DCC: variants seen among roughly 807,000 people sequenced by gnomAD.
The protein encoded by DCC is netrin receptor DCC.
Under a neutral mutation model 172.5 loss-of-function variants are expected in DCC, and 58 were observed. The ratio of observed to expected loss-of-function variants is 0.34; its 90% CI spans 0.27 to 0.42. The LOEUF is 0.42. Among genes scored for constraint, DCC ranks in the 10% least tolerant of loss-of-function variants. DCC has a pLI of 1.00. For synonymous variants in DCC, 709 were observed against 644.5 expected (o/e 1.10, Z -1.52); for missense variants, 1,740 against 1,791.0 (o/e 0.97, Z 0.51).
rs182039443 is a variant in DCC at position 53,044,522 on chromosome 18, A to T, written c.986-18783A>T. Among the ~76,000 whole-genome samples the T allele has an allele frequency of 2.2e-3, 334 of 151,902 alleles. 1 individual carries two copies. The highest frequency in any genetic ancestry group is 7.7e-3 in the African/African-American group (321 of 41,506). On this transcript the variant is annotated intron_variant, in intron 5 of 28. Transcript: ENST00000442544. The stretch of plus-strand genomic sequence containing the variant: ...ATAAAATATAAGGCATGGACTAGAT[A>T]TCTAAGACTCTTTATAGCTCCCAGT...
At chr18:52,352,334 C>T (rs1379311221) in intron 1 of DCC, among the ~76,000 whole-genome samples, 1 of 152,094 alleles carries the variant, frequency 6.6e-6, no homozygotes, top group African/African-American at 2.4e-5. Context: ...ATTTTAGAGA[C>T]TTAAATATAA....
chr18:53,153,497 C>G (rs988790818), intron 7 of DCC, among the ~76,000 whole-genome samples: 2 of 151,958 alleles, frequency 1.3e-5, no homozygotes, highest in African/African-American at 4.8e-5. Flanking sequence ...ACACCCTGGC[C>G]GACATGAGAT....
chr18:52,617,156 A>T (rs1039241542), intron 1 of DCC, among the ~76,000 whole-genome samples: 1 of 152,026 alleles, frequency 6.6e-6, no homozygotes, highest in African/African-American at 2.4e-5. Flanking sequence ...TGGAGAGAAG[A>T]CATTAAGAGG....
At chr18:53,440,064 C>T (rs965406147) in intron 22 of DCC, among the ~76,000 whole-genome samples, 1 of 151,752 alleles carries the variant, frequency 6.6e-6, no homozygotes, top group Non-Finnish European at 1.5e-5. Context: ...CGCGCCCGGC[C>T]GTATTTTTCT....
chr18:52,916,811 T>C (rs1345563716), intron 3 of DCC, among the ~76,000 whole-genome samples: 2 of 152,114 alleles, frequency 1.3e-5, no homozygotes, highest in African/African-American at 4.8e-5. Context: ...ATTGTTTCTA[T>C]GTAATTCGAC....
intron 1 of DCC, among the ~76,000 whole-genome samples, chr18:52,700,295 T>C (rs1452499865): frequency 1.3e-5 from 1 of 77,044 alleles, no homozygotes; most frequent in African/African-American, 5.5e-5. Context: ...CACATGCACA[T>C]CCACACACAC....
At chr18:53,087,754 T>C (rs2042936749) in intron 7 of DCC, among the ~76,000 whole-genome samples, 1 of 152,216 alleles carries the variant, frequency 6.6e-6, no homozygotes, top group African/African-American at 2.4e-5. Context: ...TTTAAGTCTT[T>C]AATCCATCTT....
At chr18:53,135,494 G>T (rs1426680948) in intron 7 of DCC, among the ~76,000 whole-genome samples, 1 of 152,066 alleles carries the variant, frequency 6.6e-6, no homozygotes. Flanking sequence ...GAATATAATT[G>T]TCTAGGATTG....
rs370761268 is a variant in DCC, at chr18:52,906,740, A to G, written c.697+412A>G. Among the ~76,000 whole-genome samples, 25 of 152,094 alleles carry G rather than the reference A, an allele frequency of 1.6e-4. No individual in the cohort carries two copies. The East Asian group carries it at 2.5e-3, about 15-fold the overall frequency. ...CGTTAAGAACATTCCCTAAGTTAGT[A>G]TTGAACTATAGATATATGATACATA... is the stretch of plus-strand genomic sequence containing the variant. On this transcript the variant is annotated intron_variant, in intron 3 of 28. Transcript: ENST00000442544.
At chr18:52,459,573 T>C (rs1282746445) in intron 1 of DCC, among the ~76,000 whole-genome samples, 1 of 152,048 alleles carries the variant, frequency 6.6e-6, no homozygotes, top group Non-Finnish European at 1.5e-5. Context: ...GTTCATGCCA[T>C]TCTTCTGCCT....
intron 7 of DCC, among the ~76,000 whole-genome samples, chr18:53,130,780 C>T (rs56393416): frequency 0.16 from 23,946 of 152,060 alleles, 2,367 homozygotes; most frequent in African/African-American, 0.28. Context: ...TGCTGAAAAA[C>T]ATTCTCTACC....
At chr18:52,720,155 A>T (rs2036451521) in intron 1 of DCC, among the ~76,000 whole-genome samples, 2 of 152,122 alleles carry the variant, frequency 1.3e-5, no homozygotes. Context: ...TACTGCAGCC[A>T]GTCAGCTGAC....
At chr18:52,918,999 G>A (rs192532967) in intron 3 of DCC, among the ~76,000 whole-genome samples, 8 of 152,130 alleles carry the variant, frequency 5.3e-5, no homozygotes, top group African/African-American at 1.9e-4. Context: ...TTCTCTGCTG[G>A]TTACACTTGG....
At chr18:52,603,678 T>C (rs2034064396) in intron 1 of DCC, among the ~76,000 whole-genome samples, 1 of 150,724 alleles carries the variant, frequency 6.6e-6, no homozygotes, top group South Asian at 2.1e-4. Context: ...GTCACAGAAA[T>C]CTACAGTTAA....
intron 2 of DCC, among the ~76,000 whole-genome samples, chr18:52,763,145 AT>A (rs147922436): frequency 0.099 from 15,077 of 152,228 alleles, 949 homozygotes; most frequent in Middle Eastern, 0.22. Context: ...AATCAGTTTC[AT>A]TGTAACCCTG....
intron 27 of DCC, among the ~76,000 whole-genome samples, chr18:53,521,257 C>T (rs1474414043): frequency 6.6e-6 from 1 of 152,106 alleles, no homozygotes; most frequent in Non-Finnish European, 1.5e-5. Flanking sequence ...GAATGCATAA[C>T]TGTTGCCTGG....
At chr18:52,484,628 C>T (rs543150165) in intron 1 of DCC, among the ~76,000 whole-genome samples, 1 of 152,068 alleles carries the variant, frequency 6.6e-6, no homozygotes, top group African/African-American at 2.4e-5. Flanking sequence ...AGGAGTTGTA[C>T]TAAACTGGAA....
intron 1 of DCC, among the ~76,000 whole-genome samples, chr18:52,414,774 C>T (rs147309486): frequency 2.6e-5 from 4 of 152,112 alleles, no homozygotes; most frequent in Non-Finnish European, 5.9e-5. Flanking sequence ...ATTATAGGAG[C>T]ACTATAAAAT....
Position 53,107,719 on chromosome 18 carries a change from G to C in DCC, c.1261+41553G>C, listed in dbSNP as rs79005682. On this transcript the variant is annotated intron_variant, in intron 7 of 28. Coordinates refer to ENST00000442544, the MANE Select transcript of DCC (RefSeq NM_005215.4). ...CACAGATAGCATATTCATATTTAAAGAGAGGCTTTCTGCCTCGTGATGCTG... is the reference window on the plus strand; with the variant it reads ...CACAGATAGCATATTCATATTTAAACAGAGGCTTTCTGCCTCGTGATGCTG... Among the ~76,000 whole-genome samples the C allele has an allele frequency of 4.3e-3, 651 of 151,884 alleles. 6 individuals are homozygous for C. Among genetic ancestry groups the C allele is most frequent in the Non-Finnish European group, 7.4e-3 (499 of 67,844 alleles).
Sources: allele counts gnomAD v4.1 joint callset (sites outside exome capture counted in the v4.1 genomes callset), GRCh38; gene constraint gnomAD v4.1.1; transcripts MANE v1.5; gene names NCBI Gene and HGNC (gene_info 2026-07-23, HGNC 2026-07-21).